Variants in WWOX observed in about 807,000 individuals in gnomAD.
The protein encoded by WWOX is WW domain-containing oxidoreductase.
In WWOX, 69 loss-of-function variants were observed where a neutral mutation model predicts 46.2. The ratio of observed to expected loss-of-function variants is 1.49; its 90% CI spans 1.23 to 1.82. The LOEUF (loss-of-function observed/expected upper bound fraction) is 1.82. Among genes scored for constraint, WWOX ranks in the 40% most tolerant of loss-of-function variants. The pLI, the probability that WWOX is intolerant of heterozygous loss-of-function variation, is 0.00. For missense variants in WWOX, 919 were observed against 542.6 expected (o/e 1.69, Z -6.89); for synonymous variants, 359 against 202.6 (o/e 1.77, Z -6.56).
At chr16:78,240,518 A>G (rs776313113) in intron 5 of WWOX, among the ~76,000 whole-genome samples, 1 of 152,028 alleles carries the variant, frequency 6.6e-6, no homozygotes, top group Non-Finnish European at 1.5e-5. Flanking sequence ...TTGGTTTCAG[A>G]CTTCTGGTCT....
intron 8 of WWOX, among the ~76,000 whole-genome samples, chr16:78,868,946 C>G (rs935517356): frequency 6.6e-6 from 1 of 152,082 alleles, no homozygotes; most frequent in Admixed American, 6.5e-5. Context: ...TGCAAACGTC[C>G]ATACACACCC....
intron 8 of WWOX, among the ~76,000 whole-genome samples, chr16:78,785,195 G>A (rs2050424739): frequency 6.6e-6 from 1 of 152,220 alleles, no homozygotes. Flanking sequence ...GTAAGATGAA[G>A]TGTCTTTTGC....
chr16:78,856,395 C>G (rs1000536579), intron 8 of WWOX, among the ~76,000 whole-genome samples: 1 of 152,168 alleles, frequency 6.6e-6, no homozygotes, highest in Non-Finnish European at 1.5e-5. Flanking sequence ...GTAATCGCAG[C>G]ACTTTGGTTG....
At chr16:78,145,460 C>A (rs1396127753) in intron 4 of WWOX, among the ~76,000 whole-genome samples, 2 of 152,088 alleles carry the variant, frequency 1.3e-5, no homozygotes, top group Admixed American at 6.5e-5. Flanking sequence ...CAGGAAGGAT[C>A]CAGCATGGGA....
At chr16:78,362,231 A>C (rs2081424733) in intron 5 of WWOX, among the ~76,000 whole-genome samples, 1 of 152,148 alleles carries the variant, frequency 6.6e-6, no homozygotes, top group South Asian at 2.1e-4. Flanking sequence ...TGTTAGTATC[A>C]GATGTGTGCC....
intron 8 of WWOX, among the ~76,000 whole-genome samples, chr16:78,843,991 G>C (rs2052231255): frequency 6.6e-6 from 1 of 152,230 alleles, no homozygotes; most frequent in Non-Finnish European, 1.5e-5. Context: ...CCCAGATGAT[G>C]TATTCAACAT....
chr16:79,212,055 C>G lies in WWOX; in HGVS notation c.*259C>G, dbSNP rs764328196. The G allele has an allele frequency of 1.0e-5, 16 of 1,536,264 alleles. No individual in the cohort carries two copies. The highest frequency in any genetic ancestry group is 1.4e-5 in the African/African-American group (1 of 73,038). ...GTGGTGGCCTGTTTGAAAGTAAAAA[C>G]CTGCTTGGTGTGTAGGTTCCGTATC... is the stretch of plus-strand genomic sequence containing the variant. On this transcript the variant is annotated 3_prime_UTR_variant, in exon 9 of 9. Transcript: ENST00000566780.
In WWOX at chr16:78,619,143, ATAT is replaced by A. The variant is rs2046109175; in HGVS notation, c.1056+186392_1056+186394del. Among the ~76,000 whole-genome samples the A allele has an allele frequency of 4.3e-3, 15 of 3,526 alleles. 6 individuals carry two copies. Among genetic ancestry groups the A allele is most frequent in the Non-Finnish European group, 5.1e-3 (10 of 1,964 alleles). The allele number at this position is 3,526 out of a possible 152,430, so 2.3% of individuals were successfully genotyped here. On this transcript the variant is annotated intron_variant, in intron 8 of 8. Transcript: ENST00000566780. ...AAACCCCATTTCTACTAAAAAAAAA[ATAT>A]ATATATATATATATATATATATATA...
chr16:78,488,688 C>A (rs578079528), intron 8 of WWOX, among the ~76,000 whole-genome samples: 8 of 152,108 alleles, frequency 5.3e-5, no homozygotes, highest in African/African-American at 9.7e-5. Flanking sequence ...GAGGTAGGCT[C>A]TGAGTCAAGC....
At position 78,589,405 on chromosome 16, in the gene WWOX, C is replaced by T. The variant is rs138713708; in HGVS notation, c.1056+156653C>T. 1.4e-3 allele frequency among the ~76,000 whole-genome samples: 207 copies of T among 152,236 alleles called. 2 individuals carry two copies. The highest frequency in any genetic ancestry group is 2.6e-3 in the Non-Finnish European group (179 of 68,026). ...CAGTCATTTCTACCTTGTTGGTATC[C>T]GCAGAGGTTGTCTTGAAGGGGGCTG... is the stretch of plus-strand genomic sequence containing the variant. On this transcript the variant is annotated intron_variant, in intron 8 of 8. Transcript: ENST00000566780.
intron 8 of WWOX, among the ~76,000 whole-genome samples, chr16:78,883,465 C>T (rs949177366): frequency 1.3e-5 from 2 of 152,044 alleles, no homozygotes; most frequent in Admixed American, 6.6e-5. Flanking sequence ...GGCTTATGCC[C>T]GAAATCCCAG....
At chr16:78,535,766 A>G (rs2043744590) in intron 8 of WWOX, 1 of 152,310 alleles carries the variant, frequency 6.6e-6, no homozygotes, top group South Asian at 2.1e-4. Context: ...CCCGTTGGCC[A>G]TGGGATCAGG....
At chr16:78,389,441 C>G (rs1032366962) in intron 6 of WWOX, among the ~76,000 whole-genome samples, 4 of 152,134 alleles carry the variant, frequency 2.6e-5, no homozygotes, top group Non-Finnish European at 4.4e-5. Flanking sequence ...GCTGACTCCT[C>G]AAACTCATCT....
intron 5 of WWOX, among the ~76,000 whole-genome samples, chr16:78,268,301 A>T (rs913171721): frequency 2.6e-5 from 4 of 152,188 alleles, no homozygotes; most frequent in African/African-American, 9.7e-5. Context: ...AGAAAGTGTA[A>T]ATTTGAATTC....
At chr16:78,992,283 C>T (rs769980025) in intron 8 of WWOX, among the ~76,000 whole-genome samples, 25 of 137,736 alleles carry the variant, frequency 1.8e-4, no homozygotes, top group Non-Finnish European at 2.9e-4. Flanking sequence ...CAGTGTTCTG[C>T]GAATCCCGGT....
intron 4 of WWOX, among the ~76,000 whole-genome samples, chr16:78,132,181 C>T (rs993921054): frequency 5.9e-5 from 9 of 151,768 alleles, no homozygotes; most frequent in Admixed American, 1.3e-4. Flanking sequence ...CCCGCCACCA[C>T]GCCCGGCTAA....
intron 8 of WWOX, among the ~76,000 whole-genome samples, chr16:78,962,786 G>C (rs1266423585): frequency 1.3e-5 from 2 of 152,154 alleles, no homozygotes; most frequent in South Asian, 2.1e-4. Flanking sequence ...AGGCTCATCT[G>C]TTCCCCTTTC....
chr16:78,744,786 T>C (rs2142428891), intron 8 of WWOX, among the ~76,000 whole-genome samples: 1 of 152,256 alleles, frequency 6.6e-6, no homozygotes, highest in East Asian at 1.9e-4. Context: ...AAAATATTAA[T>C]TACAAGGGAG....
intron 8 of WWOX, among the ~76,000 whole-genome samples, chr16:78,774,332 C>T (rs984074626): frequency 2.0e-4 from 31 of 152,014 alleles, no homozygotes; most frequent in African/African-American, 5.8e-4. Flanking sequence ...ATCAGGGAGT[C>T]GGAGTTTTCA....
Sources: gnomAD v4.1 joint callset for allele counts (sites outside exome capture counted in the v4.1 genomes callset) on GRCh38, gnomAD v4.1.1 for gene constraint, MANE v1.5 for transcripts, NCBI Gene and HGNC (gene_info 2026-07-23, HGNC 2026-07-21) for gene names.